Variants in PCDH9 observed in about 807,000 individuals in gnomAD.
PCDH9 encodes protocadherin-9.
In PCDH9, 24 loss-of-function variants were observed where a neutral mutation model predicts 70.6. That is an observed-to-expected ratio of 0.34 (90% CI 0.25 to 0.48). PCDH9 has a LOEUF of 0.48. Among genes scored for constraint, PCDH9 ranks in the 20% least tolerant of loss-of-function variants. The pLI is 0.99. For missense variants in PCDH9, 1,281 were observed against 1,503.6 expected (o/e 0.85, Z 2.45); for synonymous variants, 562 against 558.5 (o/e 1.01, Z -0.09).
chr13:66,554,084 A>G (rs910836693), intron 4 of PCDH9, among the ~76,000 whole-genome samples: 1 of 152,146 alleles, frequency 6.6e-6, no homozygotes, highest in Non-Finnish European at 1.5e-5. Context: ...TTAGTCCAAA[A>G]CAGACTGGGA....
At chr13:66,414,320 T>C (rs1309662492) in intron 4 of PCDH9, among the ~76,000 whole-genome samples, 2 of 152,244 alleles carry the variant, frequency 1.3e-5, no homozygotes, top group Admixed American at 6.5e-5. Context: ...CTTTGGCATA[T>C]GTCACTTTGT....
At chr13:66,506,267 C>T (rs1023335591) in intron 4 of PCDH9, among the ~76,000 whole-genome samples, 46 of 152,154 alleles carry the variant, frequency 3.0e-4, no homozygotes, top group African/African-American at 1.0e-3. Context: ...TAAGTTTACA[C>T]ATGCTTTGCT....
At chr13:67,192,790 A>G (rs1251106014) in intron 2 of PCDH9, among the ~76,000 whole-genome samples, 2 of 152,166 alleles carry the variant, frequency 1.3e-5, no homozygotes, top group African/African-American at 2.4e-5. Context: ...TTACGTCCAA[A>G]GCTACACCTT....
intron 3 of PCDH9, among the ~76,000 whole-genome samples, chr13:66,810,703 A>G (rs543411557): frequency 6.6e-6 from 1 of 152,030 alleles, no homozygotes; most frequent in East Asian, 1.9e-4. Flanking sequence ...TTTCTATCCA[A>G]AAAACACCAG....
chr13:66,706,555 T>C lies in PCDH9; in HGVS notation c.3139-75144A>G, dbSNP rs1213431693. Among the ~76,000 whole-genome samples, 4 of 152,188 alleles carry C rather than the reference T, an allele frequency of 2.6e-5. No homozygotes were observed. In the East Asian group the frequency reaches 7.7e-4, roughly 29 times the overall value. On this transcript the variant is annotated intron_variant, in intron 3 of 4. Coordinates refer to ENST00000377865, the MANE Select transcript of PCDH9 (RefSeq NM_203487.3). ...TAACTGCTAGCAGCTGCAGTAGTGG[T>C]AGTAGCAGTAATATTTACCAGTTAT...
chr13:66,333,455 T>G (rs1955978117), intron 4 of PCDH9, among the ~76,000 whole-genome samples: 1 of 152,186 alleles, frequency 6.6e-6, no homozygotes, highest in South Asian at 2.1e-4. Flanking sequence ...GACAACATGC[T>G]TTCTTCTCTG....
chr13:67,023,157 T>G (rs1006365356), intron 2 of PCDH9, among the ~76,000 whole-genome samples: 13 of 152,082 alleles, frequency 8.5e-5, no homozygotes, highest in Non-Finnish European at 1.6e-4. Flanking sequence ...AAAATCCTTT[T>G]TTTTTTTTTA....
chr13:66,786,976 C>T (rs2080089991), intron 3 of PCDH9, among the ~76,000 whole-genome samples: 1 of 152,170 alleles, frequency 6.6e-6, no homozygotes, highest in African/African-American at 2.4e-5. Context: ...ATGATAGTGA[C>T]AGATTCACAA....
intron 4 of PCDH9, among the ~76,000 whole-genome samples, chr13:66,330,700 C>T (rs188693025): frequency 6.6e-6 from 1 of 152,204 alleles, no homozygotes; most frequent in East Asian, 1.9e-4. Context: ...ATCTTACAGG[C>T]TTTTAAGCCT....
chr13:66,349,990 A>G (rs940926230), intron 4 of PCDH9, among the ~76,000 whole-genome samples: 1 of 152,126 alleles, frequency 6.6e-6, no homozygotes, highest in African/African-American at 2.4e-5. Context: ...TCCTGCCCTG[A>G]AGTTTGGCAT....
At chr13:66,755,531 C>T (rs905194416) in intron 3 of PCDH9, among the ~76,000 whole-genome samples, 1 of 152,136 alleles carries the variant, frequency 6.6e-6, no homozygotes, top group Admixed American at 6.6e-5. Flanking sequence ...AGCTCTCTCT[C>T]CCCACCTAAA....
chr13:67,022,144 T>G (rs1325498628), intron 2 of PCDH9, among the ~76,000 whole-genome samples: 2 of 65,038 alleles, frequency 3.1e-5, no homozygotes, highest in South Asian at 1.2e-3. Context: ...TTTTTTTTTT[T>G]TTTGAGACAG....
At chr13:66,364,000 C>T (rs1956513197) in intron 4 of PCDH9, among the ~76,000 whole-genome samples, 1 of 151,932 alleles carries the variant, frequency 6.6e-6, no homozygotes, top group Non-Finnish European at 1.5e-5. Flanking sequence ...ACTAAAAATA[C>T]AAAAATTAGC....
intron 3 of PCDH9, among the ~76,000 whole-genome samples, chr13:66,682,879 T>C (rs2078347469): frequency 6.6e-6 from 1 of 152,126 alleles, no homozygotes; most frequent in Non-Finnish European, 1.5e-5. Flanking sequence ...TAGACCTGTA[T>C]GGGCAAACAT....
At chr13:66,588,634 T>G (rs1254989127) in intron 4 of PCDH9, among the ~76,000 whole-genome samples, 2 of 152,082 alleles carry the variant, frequency 1.3e-5, no homozygotes, top group Admixed American at 1.3e-4. Context: ...CTACAATCTA[T>G]TATACCTTGT....
chr13:66,983,343 C>T (rs867085062), intron 2 of PCDH9, among the ~76,000 whole-genome samples: 4 of 151,610 alleles, frequency 2.6e-5, no homozygotes, highest in Non-Finnish European at 2.9e-5. Context: ...TGAAATTTGC[C>T]GATTACTTAC....
chr13:66,417,248 A>T (rs538655168), intron 4 of PCDH9, among the ~76,000 whole-genome samples: 2 of 151,578 alleles, frequency 1.3e-5, no homozygotes, highest in African/African-American at 4.8e-5. Context: ...TCATTGTTCA[A>T]CTCCCACTTA....
chr13:66,607,544 C>A (rs1418696296), intron 4 of PCDH9, among the ~76,000 whole-genome samples: 2 of 151,904 alleles, frequency 1.3e-5, no homozygotes, highest in African/African-American at 2.4e-5. Context: ...ACTACAATAT[C>A]CCAAAGTTAG....
chr13:67,179,122 A>G (rs952396145), intron 2 of PCDH9, among the ~76,000 whole-genome samples: 2 of 152,060 alleles, frequency 1.3e-5, no homozygotes, highest in Non-Finnish European at 2.9e-5. Flanking sequence ...GTTGATTATT[A>G]CTATGTCCTA....
Sources: gnomAD v4.1 joint callset for allele counts (sites outside exome capture counted in the v4.1 genomes callset) on GRCh38, gnomAD v4.1.1 for gene constraint, MANE v1.5 for transcripts, NCBI Gene and HGNC (gene_info 2026-07-23, HGNC 2026-07-21) for gene names.